The following GSAP variants were observed in gnomAD, a reference collection of about 807,000 sequenced individuals.
GSAP encodes the protein gamma-secretase-activating protein.
In GSAP, 118 loss-of-function variants were observed where a neutral mutation model predicts 131.7. That is an observed-to-expected ratio of 0.90 (90% CI 0.77 to 1.04). The LOEUF (loss-of-function observed/expected upper bound fraction) is 1.04. GSAP is among the 50% of genes least tolerant of loss of function. The pLI, the probability that GSAP is intolerant of heterozygous loss-of-function variation, is 0.00. For synonymous variants in GSAP, 381 were observed against 363.4 expected (o/e 1.05, Z -0.55); for missense variants, 1,019 against 1,013.2 (o/e 1.01, Z -0.08).
chr7:77,368,926 A>G (rs1795722874), intron 12 of GSAP, among the ~76,000 whole-genome samples: 1 of 152,192 alleles, frequency 6.6e-6, no homozygotes, highest in Admixed American at 6.5e-5. Flanking sequence ...GTGTATCCAG[A>G]GATGTTTAAT....
In GSAP at chr7:77,349,384, A is replaced by G. The variant is rs562326874; in HGVS notation, c.1512T>C (p.Leu504=). The G allele has an allele frequency of 1.2e-6, 2 of 1,613,204 alleles. No individual in the cohort carries two copies. The highest frequency in any genetic ancestry group is 2.2e-5 in the East Asian group (1 of 44,858). The change falls in exon 19 of 31, where the codon CTT becomes CTC. Residue 504 remains leucine (L), a synonymous_variant. Coordinates refer to ENST00000257626, the MANE Select transcript of GSAP (RefSeq NM_017439.4). ...GAGGCAATGCAATGTCTTCTGTCAC[A>G]AGAGTTATTCCAGGAATTTCCTATA... ...TWNTEIPGIT[L]VTEDIALPLM...
At chr7:77,337,826 T>C (rs1019584258) in intron 19 of GSAP, among the ~76,000 whole-genome samples, 13 of 152,244 alleles carry the variant, frequency 8.5e-5, no homozygotes, top group Middle Eastern at 3.4e-3. Flanking sequence ...CTTCCTGTGG[T>C]TGAATAGTTT....
At chr7:77,416,396 C>T (rs1773580589), upstream of GSAP, 4 of 691,000 alleles carry the variant, frequency 5.8e-6, no homozygotes, top group African/African-American at 5.7e-5. Flanking sequence ...GCCGCCTCGC[C>T]CTCGCGTCCC....
chr7:77,386,318 C>G (rs1798558504), intron 6 of GSAP, among the ~76,000 whole-genome samples: 2 of 152,118 alleles, frequency 1.3e-5, no homozygotes, highest in African/African-American at 4.8e-5. Flanking sequence ...TATAGACACT[C>G]GTGTATACTA....
intron 3 of GSAP, among the ~76,000 whole-genome samples, chr7:77,397,725 C>T (rs549722951): frequency 1.3e-5 from 2 of 152,142 alleles, no homozygotes; most frequent in Non-Finnish European, 2.9e-5. Context: ...AGCTGCGTGA[C>T]CTTGGATAAA....
At chr7:77,416,364 C>T (rs1469582109), upstream of GSAP, 21 of 1,139,658 alleles carry the variant, frequency 1.8e-5, no homozygotes, top group Non-Finnish European at 2.5e-5. Flanking sequence ...CCCCGCACCG[C>T]GGGCATTCCC....
intron 6 of GSAP, among the ~76,000 whole-genome samples, chr7:77,383,293 C>G (rs1000345259): frequency 6.6e-6 from 1 of 150,906 alleles, no homozygotes; most frequent in East Asian, 1.9e-4. Flanking sequence ...ACAATGCAAA[C>G]AACATTTATA....
chr7:77,334,792 G>C (rs56804502), intron 19 of GSAP, among the ~76,000 whole-genome samples: 1 of 151,950 alleles, frequency 6.6e-6, no homozygotes, highest in East Asian at 1.9e-4. Flanking sequence ...TGCTGTATAA[G>C]AAACATACCC....
chr7:77,388,069 CA>C (rs1222512284), intron 5 of GSAP, among the ~76,000 whole-genome samples: 30 of 152,072 alleles, frequency 2.0e-4, no homozygotes, highest in African/African-American at 7.2e-5. Flanking sequence ...GCTATTCTAC[CA>C]GGGGGAAAAA....
At chr7:77,314,296 T>C (rs1794734249) in intron 27 of GSAP, 74 bp downstream of exon 27, 2 of 1,554,078 alleles carry the variant, frequency 1.3e-6, no homozygotes, top group Admixed American at 1.7e-5. Flanking sequence ...ACTGCACAGG[T>C]TGCACACCCA....
At chr7:77,337,692 T>C (rs893946005) in intron 19 of GSAP, among the ~76,000 whole-genome samples, 9 of 152,238 alleles carry the variant, frequency 5.9e-5, no homozygotes, top group African/African-American at 2.2e-4. Context: ...TAACAAGTGA[T>C]GAAATACACT....
At chr7:77,377,531 A>G in intron 8 of GSAP, 141 bp from the exon 9 acceptor site, 2 of 1,020,408 alleles carry the variant, frequency 2.0e-6, no homozygotes, top group Non-Finnish European at 2.6e-6. Context: ...GAAGCTCCCC[A>G]CCCCTAGTAT....
chr7:77,387,480 G>A, intron 5 of GSAP, 32 bp from the exon 6 acceptor site: 2 of 1,105,518 alleles, frequency 1.8e-6, no homozygotes, highest in Non-Finnish European at 2.8e-6. Flanking sequence ...TAGTAACGAA[G>A]ATTGTAATAT....
At chr7:77,388,878 T>G (rs1283581747) in intron 5 of GSAP, among the ~76,000 whole-genome samples, 1 of 152,222 alleles carries the variant, frequency 6.6e-6, no homozygotes, top group Non-Finnish European at 1.5e-5. Context: ...GTAAGTGAGT[T>G]ATTATATTGA....
intron 3 of GSAP, among the ~76,000 whole-genome samples, chr7:77,398,896 T>C (rs1254440002): frequency 6.6e-6 from 1 of 152,216 alleles, no homozygotes; most frequent in African/African-American, 2.4e-5. Flanking sequence ...ACATTGCAAG[T>C]TTTTTAAAAA....
At chr7:77,352,883 C>T in intron 18 of GSAP, 61 bp downstream of exon 18, 1 of 968,176 alleles carries the variant, frequency 1.0e-6, no homozygotes, top group South Asian at 1.3e-5. Flanking sequence ...AGGTGTCCAA[C>T]AACTGACCCA....
intron 12 of GSAP, among the ~76,000 whole-genome samples, chr7:77,372,014 T>C (rs1336141175): frequency 6.6e-6 from 1 of 152,248 alleles, no homozygotes; most frequent in Admixed American, 6.5e-5. Flanking sequence ...TCTGACATTA[T>C]AGGCCTCCTG....
chr7:77,322,457 T>C (rs1218130064), intron 24 of GSAP, among the ~76,000 whole-genome samples: 2 of 152,202 alleles, frequency 1.3e-5, no homozygotes, highest in Non-Finnish European at 2.9e-5. Context: ...TTAAAACTTA[T>C]GTTATTAACA....
At chr7:77,314,833 G>A (rs1794798367) in intron 26 of GSAP, 2 of 183,890 alleles carry the variant, frequency 1.1e-5, no homozygotes, top group Non-Finnish European at 2.3e-5. Flanking sequence ...GATTTCGTAT[G>A]TCCAGACTAA....
Sources: allele counts gnomAD v4.1 joint callset (sites outside exome capture counted in the v4.1 genomes callset), GRCh38; gene constraint gnomAD v4.1.1; transcripts MANE v1.5; gene names NCBI Gene and HGNC (gene_info 2026-07-23, HGNC 2026-07-21).